The following CACNG3 variants were observed in gnomAD, a reference collection of about 807,000 sequenced individuals.
CACNG3 encodes the protein calcium voltage-gated channel auxiliary subunit gamma 3, also known as voltage-dependent calcium channel gamma-3 subunit.
In CACNG3, 3 loss-of-function variants were observed where a neutral mutation model predicts 28.5. The ratio of observed to expected loss-of-function variants is 0.11; its 90% CI spans 0.05 to 0.27. CACNG3 has a LOEUF of 0.27. CACNG3 is among the 10% of genes least tolerant of loss of function. CACNG3 has a pLI of 1.00. For missense variants in CACNG3, 236 were observed against 414.4 expected (o/e 0.57, Z 3.74); for synonymous variants, 174 against 162.2 (o/e 1.07, Z -0.55).
At chr16:24,286,502 G>A (rs937194616) in intron 1 of CACNG3, among the ~76,000 whole-genome samples, 8 of 151,772 alleles carry the variant, frequency 5.3e-5, no homozygotes, top group African/African-American at 1.7e-4. Flanking sequence ...AGAATGGATT[G>A]GAAGCACAAA....
At chr16:24,286,544 G>C (rs1157765045) in intron 1 of CACNG3, among the ~76,000 whole-genome samples, 1 of 152,054 alleles carries the variant, frequency 6.6e-6, no homozygotes, top group East Asian at 1.9e-4. Context: ...ATTCCTAGTA[G>C]TGTCCTCTGT....
chr16:24,339,606 G>A (rs761473134), intron 1 of CACNG3, among the ~76,000 whole-genome samples: 3 of 152,146 alleles, frequency 2.0e-5, no homozygotes, highest in Non-Finnish European at 2.9e-5. Flanking sequence ...GGCTGGCCTC[G>A]AACTCCAGAC....
intron 1 of CACNG3, among the ~76,000 whole-genome samples, chr16:24,273,611 AT>A (rs1449092191): frequency 6.6e-6 from 1 of 152,210 alleles, no homozygotes; most frequent in African/African-American, 2.4e-5. Context: ...GATGAACCTT[AT>A]TCTGATTATG....
intron 1 of CACNG3, among the ~76,000 whole-genome samples, chr16:24,284,142 T>G (rs1178912062): frequency 6.6e-6 from 1 of 152,224 alleles, no homozygotes; most frequent in Admixed American, 6.5e-5. Context: ...TGTATAATGC[T>G]GAAGTGGATT....
chr16:24,346,307 C>G (rs879426348), intron 1 of CACNG3, among the ~76,000 whole-genome samples: 1 of 152,172 alleles, frequency 6.6e-6, no homozygotes, highest in Non-Finnish European at 1.5e-5. Context: ...CCCGTTGGCT[C>G]ATGCCTGTAA....
intron 2 of CACNG3, among the ~76,000 whole-genome samples, chr16:24,349,487 G>A (rs1019170849): frequency 1.3e-5 from 2 of 152,194 alleles, no homozygotes; most frequent in African/African-American, 2.4e-5. Context: ...AACAGGAGGC[G>A]AATTATTCAT....
chr16:24,352,964 A>C (rs1169260641), intron 2 of CACNG3, among the ~76,000 whole-genome samples: 1 of 150,846 alleles, frequency 6.6e-6, no homozygotes, highest in African/African-American at 2.4e-5. Context: ...AAGAGGCCTC[A>C]CTGTTTTTTG....
intron 1 of CACNG3, among the ~76,000 whole-genome samples, chr16:24,332,882 C>A (rs565348154): frequency 6.6e-6 from 1 of 151,988 alleles, no homozygotes; most frequent in Admixed American, 6.6e-5. Flanking sequence ...CTTGTCAACA[C>A]GTGACAAAAC....
intron 1 of CACNG3, among the ~76,000 whole-genome samples, chr16:24,324,709 T>C (rs1051352004): frequency 2.0e-5 from 3 of 152,168 alleles, no homozygotes; most frequent in African/African-American, 7.2e-5. Context: ...CCATGTGCTC[T>C]CCCTCCTGTG....
chr16:24,287,044 TG>T (rs1898903918), intron 1 of CACNG3, among the ~76,000 whole-genome samples: 1 of 152,208 alleles, frequency 6.6e-6, no homozygotes, highest in African/African-American at 2.4e-5. Context: ...ATGGATGGGA[TG>T]GCATGCTTGC....
intron 1 of CACNG3, among the ~76,000 whole-genome samples, chr16:24,287,592 C>G (rs1386701629): frequency 6.7e-6 from 1 of 149,630 alleles, no homozygotes; most frequent in East Asian, 2.0e-4. Flanking sequence ...GGGTAGGAAA[C>G]CAACTTGTTA....
At chr16:24,290,606 A>G (rs1898953801) in intron 1 of CACNG3, among the ~76,000 whole-genome samples, 1 of 152,054 alleles carries the variant, frequency 6.6e-6, no homozygotes, top group African/African-American at 2.4e-5. Flanking sequence ...TGGGTTATTT[A>G]TTTATTTATT....
At chr16:24,268,931 C>T (rs1393323103) in intron 1 of CACNG3, among the ~76,000 whole-genome samples, 1 of 152,174 alleles carries the variant, frequency 6.6e-6, no homozygotes, top group African/African-American at 2.4e-5. Context: ...GCTTGGATGA[C>T]TCTGTAACAT....
chr16:24,275,684 A>G (rs1898744016), intron 1 of CACNG3, among the ~76,000 whole-genome samples: 1 of 152,232 alleles, frequency 6.6e-6, no homozygotes, highest in Non-Finnish European at 1.5e-5. Flanking sequence ...AACTGACAGT[A>G]TTTGTTGCCA....
intron 1 of CACNG3, among the ~76,000 whole-genome samples, chr16:24,259,549 A>G (rs1898511802): frequency 6.6e-6 from 1 of 152,212 alleles, no homozygotes; most frequent in Non-Finnish European, 1.5e-5. Context: ...TAGAGGTCAA[A>G]TTAGAAATGT....
At chr16:24,257,368 GGAGAGAGAGA>G (rs71154293) in intron 1 of CACNG3, among the ~76,000 whole-genome samples, 1,573 of 52,832 alleles carry the variant, frequency 0.03, 343 homozygotes, top group African/African-American at 0.043. Flanking sequence ...AAGTGAGGGG[GGAGAGAGAGA>G]GAGAGAGAGA....
chr16:24,287,318 G>T (rs940217724), intron 1 of CACNG3, among the ~76,000 whole-genome samples: 1 of 151,952 alleles, frequency 6.6e-6, no homozygotes, highest in Non-Finnish European at 1.5e-5. Context: ...AGGAATTCGA[G>T]ACCAGGCTGG....
At chr16:24,344,410 G>GA (rs11397837) in intron 1 of CACNG3, among the ~76,000 whole-genome samples, 16,980 of 146,184 alleles carry the variant, frequency 0.12, 1,485 homozygotes, top group East Asian at 0.26. Flanking sequence ...CTCAGTCTCA[G>GA]AAAAAAAAAA....
intron 1 of CACNG3, among the ~76,000 whole-genome samples, chr16:24,276,339 T>C (rs1898753586): frequency 1.3e-5 from 2 of 152,236 alleles, no homozygotes; most frequent in Admixed American, 6.5e-5. Context: ...TAGGGGGGTT[T>C]TAATTTCTGA....
Sources: allele counts gnomAD v4.1 joint callset (sites outside exome capture counted in the v4.1 genomes callset), GRCh38; gene constraint gnomAD v4.1.1; transcripts MANE v1.5; gene names NCBI Gene and HGNC (gene_info 2026-07-23, HGNC 2026-07-21).